The following KSR1 variants were observed in gnomAD, a reference collection of about 807,000 sequenced individuals.
The protein encoded by KSR1 is kinase suppressor of ras 1, also known as kinase suppressor of ras.
KSR1 carries 35 observed loss-of-function variants against 92.9 expected under a neutral mutation model. The observed-to-expected ratio is 0.38, with a 90% CI of 0.29 to 0.50. The LOEUF (loss-of-function observed/expected upper bound fraction) is 0.50, where lower values mean the gene tolerates loss of function less well. Ranked by LOEUF, KSR1 falls within the 20% of genes least tolerant of loss-of-function variation. The pLI is 0.94. For synonymous variants in KSR1, 467 were observed against 472.6 expected (o/e 0.99, Z 0.15); for missense variants, 972 against 1,158.5 (o/e 0.84, Z 2.34).
chr17:27,565,681 T>G (rs1477159998), intron 2 of KSR1, among the ~76,000 whole-genome samples: 1 of 152,188 alleles, frequency 6.6e-6, no homozygotes, highest in Non-Finnish European at 1.5e-5. Context: ...TGCCTCAGCC[T>G]CCCAAAGTGT....
At position 27,492,431 on chromosome 17, in the gene KSR1, T is replaced by C. The variant is rs570979854; in HGVS notation, c.231+35557T>C. Among the ~76,000 whole-genome samples the C allele has an allele frequency of 8.5e-5, 13 of 152,288 alleles. 1 individual carries two copies. The East Asian group carries it at 2.5e-3, about 29-fold the overall frequency. ...ATTCCTTTCTAGGAATGATCAGGCA[T>C]CCATAGGCAAGATCTTCCTCGAGAG... On this transcript the variant is annotated intron_variant, in intron 1 of 20. Coordinates refer to ENST00000644974, the MANE Select transcript of KSR1 (RefSeq NM_001394583.1).
At chr17:27,504,974 C>T (rs1219957630) in intron 1 of KSR1, among the ~76,000 whole-genome samples, 1 of 152,128 alleles carries the variant, frequency 6.6e-6, no homozygotes, top group Non-Finnish European at 1.5e-5. Flanking sequence ...GCCTGTCTTC[C>T]ACTAAGGTAA....
chr17:27,598,163 G>A (rs1448530982), intron 10 of KSR1, among the ~76,000 whole-genome samples: 1 of 152,186 alleles, frequency 6.6e-6, no homozygotes, highest in Non-Finnish European at 1.5e-5. Context: ...TTTTGGGACT[G>A]AGCTGCTGCC....
chr17:27,468,060 G>A (rs1184866795), intron 1 of KSR1, among the ~76,000 whole-genome samples: 1 of 151,634 alleles, frequency 6.6e-6, no homozygotes, highest in Non-Finnish European at 1.5e-5. Context: ...CTCGTGATCC[G>A]CCCGCCTCGG....
Position 27,456,890 on chromosome 17 carries a change from AC to A in KSR1, c.231+18del. On this transcript the variant is annotated intron_variant, in intron 1 of 20. Coordinates refer to ENST00000644974, the MANE Select transcript of KSR1 (RefSeq NM_001394583.1). ...GACCCTGGAGGTAAGTGGGTCGGGG[AC>A]CAGGCTGGGCTCGAGGAGCGGGCCC... 1.2e-6 allele frequency: 1 copy of A among 831,232 alleles called. No individual in the cohort carries two copies. Among genetic ancestry groups the A allele is most frequent in the Non-Finnish European group, 2.1e-6 (1 of 481,388 alleles). 51.5% of individuals were successfully genotyped at this position (831,232 alleles called of 1,614,324 possible). A position where few individuals can be genotyped will look rare whatever the true frequency, so the allele number is the denominator to read the frequency against.
intron 1 of KSR1, among the ~76,000 whole-genome samples, chr17:27,477,560 G>A (rs1395727529): frequency 6.6e-5 from 10 of 152,140 alleles, no homozygotes; most frequent in Admixed American, 6.5e-4. Context: ...TGGACTGTGG[G>A]GTGGTACAAG....
rs748450659 is a variant in KSR1, at chr17:27,597,254, C to T, written c.1300-14C>T. On this transcript the variant is annotated splice_polypyrimidine_tract_variant and intron_variant, in intron 9 of 20. Coordinates refer to ENST00000644974, the MANE Select transcript of KSR1 (RefSeq NM_001394583.1). The stretch of plus-strand genomic sequence containing the variant: ...AGGACAGCCCTGCCATTCCCAACAT[C>T]TCTGGTCCTGCAGGAGCACCCTCCG... The T allele has an allele frequency of 2.6e-6, 4 of 1,566,376 alleles. No individual in the cohort carries two copies. The highest frequency in any genetic ancestry group is 3.5e-6 in the Non-Finnish European group (4 of 1,156,614).
chr17:27,516,633 A>G (rs148819502), intron 1 of KSR1, among the ~76,000 whole-genome samples: 1 of 152,206 alleles, frequency 6.6e-6, no homozygotes, highest in African/African-American at 2.4e-5. Context: ...AAATTGAAAC[A>G]CTCTTAAAAA....
chr17:27,538,633 T>A (rs1304142788), intron 1 of KSR1, among the ~76,000 whole-genome samples: 1 of 152,218 alleles, frequency 6.6e-6, no homozygotes, highest in Non-Finnish European at 1.5e-5. Flanking sequence ...TGCGAGCCAC[T>A]GACTGAGACC....
intron 7 of KSR1, among the ~76,000 whole-genome samples, chr17:27,591,621 C>T (rs1223591252): frequency 6.6e-6 from 1 of 152,222 alleles, no homozygotes; most frequent in Non-Finnish European, 1.5e-5. Flanking sequence ...TGCATATCAG[C>T]TGGACCCATT....
intron 1 of KSR1, among the ~76,000 whole-genome samples, chr17:27,518,727 C>T (rs2151016199): frequency 6.6e-6 from 1 of 152,326 alleles, no homozygotes; most frequent in South Asian, 2.1e-4. Flanking sequence ...GGCTGCGATG[C>T]TCAAAGGAGA....
chr17:27,507,279 A>G (rs1043267630), intron 1 of KSR1, among the ~76,000 whole-genome samples: 22 of 151,954 alleles, frequency 1.4e-4, no homozygotes, highest in Admixed American at 2.0e-4. Context: ...CTAAAAATAC[A>G]AAAATTAGCC....
intron 16 of KSR1, 143 bp from the exon 17 acceptor site, chr17:27,609,924 G>A (rs1244151873): frequency 2.0e-6 from 2 of 1,006,588 alleles, no homozygotes; most frequent in East Asian, 2.5e-5. Flanking sequence ...TTTCCCAAGT[G>A]CAGGGTCAGT....
At chr17:27,548,082 G>A (rs2151083552) in intron 1 of KSR1, among the ~76,000 whole-genome samples, 1 of 152,036 alleles carries the variant, frequency 6.6e-6, no homozygotes, top group South Asian at 2.1e-4. Context: ...AATTCGAAGT[G>A]TGTCGTTTTA....
intron 1 of KSR1, among the ~76,000 whole-genome samples, chr17:27,501,064 G>C (rs2069159123): frequency 1.3e-5 from 2 of 152,206 alleles, no homozygotes; most frequent in South Asian, 4.1e-4. Context: ...ACCAAAGGCT[G>C]TGGGAGTCTG....
At chr17:27,458,432 C>A (rs1342466542) in intron 1 of KSR1, among the ~76,000 whole-genome samples, 1 of 152,152 alleles carries the variant, frequency 6.6e-6, no homozygotes, top group Non-Finnish European at 1.5e-5. Flanking sequence ...GTGGGATTGT[C>A]CCCACGTTGC....
At chr17:27,461,351 G>A (rs1406322647) in intron 1 of KSR1, among the ~76,000 whole-genome samples, 3 of 152,182 alleles carry the variant, frequency 2.0e-5, no homozygotes, top group East Asian at 3.9e-4. Context: ...AAAGTGCTGG[G>A]ATTACAAGTG....
rs544390566 is a variant in KSR1, at chr17:27,498,629, G to A, written c.231+41755G>A. 1.3e-4 allele frequency among the ~76,000 whole-genome samples: 20 copies of A among 152,242 alleles called. No individual in the cohort carries two copies. The East Asian group carries it at 2.5e-3, about 19-fold the overall frequency. ...GCGCTGTTTCTCCCAGGGTGATCCC[G>A]ATAACACTAGTGTTTGAGATCGTGG... On this transcript the variant is annotated intron_variant, in intron 1 of 20. Transcript: ENST00000644974.
chr17:27,516,096 C>T (rs941076586), intron 1 of KSR1, among the ~76,000 whole-genome samples: 2 of 152,130 alleles, frequency 1.3e-5, no homozygotes, highest in Non-Finnish European at 2.9e-5. Flanking sequence ...TTTTATCTAA[C>T]TAAGAGACCT....
Sources: gnomAD v4.1 joint callset for allele counts (sites outside exome capture counted in the v4.1 genomes callset) on GRCh38, gnomAD v4.1.1 for gene constraint, MANE v1.5 for transcripts, NCBI Gene and HGNC (gene_info 2026-07-23, HGNC 2026-07-21) for gene names.